TMEM123: variants seen among roughly 807,000 people sequenced by gnomAD.
TMEM123 encodes transmembrane protein 123, also known as porimin.
Under a neutral mutation model 19.7 loss-of-function variants are expected in TMEM123, and 16 were observed. The observed-to-expected ratio is 0.81, with a 90% CI of 0.55 to 1.23. The LOEUF is 1.23. Ranked by LOEUF, TMEM123 falls within the 50% of genes most tolerant of loss-of-function variation. The pLI is 0.00. For missense variants in TMEM123, 313 were observed against 257.8 expected, an observed-to-expected ratio of 1.21 and a Z score of -1.47; for synonymous variants, 118 against 99.4, an observed-to-expected ratio of 1.19 and a Z score of -1.12.
intron 1 of TMEM123, among the ~76,000 whole-genome samples, chr11:102,451,389 T>C (rs747458672): frequency 5.3e-5 from 8 of 152,292 alleles, no homozygotes; most frequent in Admixed American, 2.6e-4. Flanking sequence ...CGAAGCCAGT[T>C]TGTCACACGC....
chr11:102,446,252 A>G (rs1391445198), intron 2 of TMEM123, among the ~76,000 whole-genome samples: 2 of 152,224 alleles, frequency 1.3e-5, no homozygotes, highest in African/African-American at 4.8e-5. Flanking sequence ...CAGAATCTAA[A>G]TACTCTGACT....
At chr11:102,408,999 A>G (rs537785667) in intron 2 of TMEM123, among the ~76,000 whole-genome samples, 1 of 152,298 alleles carries the variant, frequency 6.6e-6, no homozygotes, top group South Asian at 2.1e-4. Flanking sequence ...CCTTATTCCT[A>G]TAACCTTGAG....
chr11:102,415,919 TCA>T (rs1952041319), intron 2 of TMEM123, among the ~76,000 whole-genome samples: 2 of 1,210 alleles, frequency 1.7e-3, no homozygotes, highest in African/African-American at 5.6e-3. Flanking sequence ...ATTATTATTA[TCA>T]TCATTATTTT....
intron 2 of TMEM123, among the ~76,000 whole-genome samples, chr11:102,431,402 A>G (rs893368011): frequency 3.3e-5 from 5 of 152,206 alleles, no homozygotes; most frequent in Non-Finnish European, 1.5e-5. Context: ...TTTTGTGGTG[A>G]GAACATTGAA....
chr11:102,405,110 G>T (rs921993583), intron 2 of TMEM123, among the ~76,000 whole-genome samples: 1 of 150,562 alleles, frequency 6.6e-6, no homozygotes, highest in Non-Finnish European at 1.5e-5. Context: ...GTGCAGTGGC[G>T]TGATCTCAGC....
chr11:102,424,065 G>A (rs1022172833), intron 2 of TMEM123, among the ~76,000 whole-genome samples: 2 of 152,194 alleles, frequency 1.3e-5, no homozygotes, highest in African/African-American at 4.8e-5. Flanking sequence ...CTAGTTGACT[G>A]CTGATTAAAA....
In TMEM123 at chr11:102,409,659, G is replaced by T. The variant is rs1288304763; in HGVS notation, c.158-7453C>A. Among the ~76,000 whole-genome samples the T allele has an allele frequency of 2.0e-5, 3 of 152,062 alleles. No individual in the cohort carries two copies. In the South Asian group the frequency reaches 6.2e-4, roughly 32 times the overall value. ...AGGCGGGCAGGCGGGCAGATCACCC[G>T]AGTCAGGAATTCGAGACCAGCCTGG... On this transcript the variant is annotated intron_variant, in intron 2 of 4. Transcript: ENST00000398136.
chr11:102,441,258 A>G (rs1283368692), intron 2 of TMEM123, among the ~76,000 whole-genome samples: 1 of 152,234 alleles, frequency 6.6e-6, no homozygotes, highest in Non-Finnish European at 1.5e-5. Context: ...TCAGCACCAC[A>G]TCGCACTTAT....
Position 102,398,763 on chromosome 11 carries a change from T to C in TMEM123, c.*104A>G, listed in dbSNP as rs1951882945. On this transcript the variant is annotated 3_prime_UTR_variant, in exon 5 of 5. Coordinates refer to ENST00000398136, the MANE Select transcript of TMEM123 (RefSeq NM_052932.3). ...CTGTACATTATATGCATGGCCTGTTTATACTATTTTCAAAAAGAGAATATT... is the reference window on the plus strand; with the variant it reads ...CTGTACATTATATGCATGGCCTGTTCATACTATTTTCAAAAAGAGAATATT... The C allele has an allele frequency of 3.4e-6, 4 of 1,170,278 alleles. No homozygotes were observed. Among genetic ancestry groups the C allele is most frequent in the African/African-American group, 1.6e-5 (1 of 64,336 alleles). The allele number at this position is 1,170,278 out of a possible 1,614,324, so 72.5% of individuals were successfully genotyped here.
In TMEM123 at chr11:102,396,407, AAAAAG is replaced by A. The variant is rs555179306; in HGVS notation, c.*2455_*2459del. 5.4e-4 allele frequency: 83 copies of A among 152,344 alleles called. No homozygotes were observed. The highest frequency in any genetic ancestry group is 1.2e-3 in the East Asian group (6 of 5,196). The allele number at this position is 152,344 out of a possible 1,614,324, so 9.4% of individuals were successfully genotyped here. A position where few individuals can be genotyped will look rare whatever the true frequency, so the allele number is the denominator to read the frequency against. ...AATACCAAAAGCTGGTCATTATAAT[AAAAAG>A]AAAAGAAGAGTTTAACTTTTTTTTT... On this transcript the variant is annotated 3_prime_UTR_variant, in exon 5 of 5. Coordinates refer to ENST00000398136, the MANE Select transcript of TMEM123 (RefSeq NM_052932.3).
At chr11:102,398,989 A>G in intron 4 of TMEM123, 98 bp from the exon 5 acceptor site, 5 of 1,090,920 alleles carry the variant, frequency 4.6e-6, no homozygotes, top group Non-Finnish European at 6.7e-6. Flanking sequence ...GAACAATTTC[A>G]AGCTGCACAA....
At chr11:102,405,829 A>G (rs1009306445) in intron 2 of TMEM123, among the ~76,000 whole-genome samples, 8 of 152,014 alleles carry the variant, frequency 5.3e-5, no homozygotes, top group African/African-American at 7.3e-5. Context: ...AATTTTGTCA[A>G]TTTCTATGTC....
intron 2 of TMEM123, among the ~76,000 whole-genome samples, chr11:102,413,857 T>A (rs541838970): frequency 2.0e-5 from 3 of 152,278 alleles, no homozygotes; most frequent in Admixed American, 6.5e-5. Flanking sequence ...TGGTTCTTAA[T>A]GAGACTGAAA....
chr11:102,441,129 G>C (rs1857821270), intron 2 of TMEM123, among the ~76,000 whole-genome samples: 1 of 152,186 alleles, frequency 6.6e-6, no homozygotes, highest in Non-Finnish European at 1.5e-5. Context: ...ACATTAGACA[G>C]ATCAACCAGA....
intron 2 of TMEM123, among the ~76,000 whole-genome samples, chr11:102,435,443 C>T (rs556966833): frequency 6.6e-6 from 1 of 152,016 alleles, no homozygotes; most frequent in South Asian, 2.1e-4. Context: ...ACAACAAGGA[C>T]TGGTGAGGAT....
chr11:102,418,346 AC>A (rs1459929792), intron 2 of TMEM123, among the ~76,000 whole-genome samples: 5 of 152,206 alleles, frequency 3.3e-5, no homozygotes, highest in Admixed American at 1.3e-4. Flanking sequence ...GCAAAAAACA[AC>A]CCTTATTGAA....
At chr11:102,428,282 T>G (rs113186404) in intron 2 of TMEM123, among the ~76,000 whole-genome samples, 19 of 152,264 alleles carry the variant, frequency 1.2e-4, no homozygotes, top group African/African-American at 4.1e-4. Context: ...ACCTATATTC[T>G]TCACAATTTA....
At chr11:102,410,511 C>CAAAAAA (rs796159138) in intron 2 of TMEM123, among the ~76,000 whole-genome samples, 5,837 of 104,954 alleles carry the variant, frequency 0.056, 184 homozygotes, top group Non-Finnish European at 0.085. Context: ...CTGTTAGTTA[C>CAAAAAA]AAAAAAAAAA....
chr11:102,447,082 G>A lies in TMEM123; in HGVS notation c.157+1730C>T, dbSNP rs570221099. The stretch of plus-strand genomic sequence containing the variant: ...AAGAGGAATGCGACAGTTATGAGGC[G>A]TAAAACACATTGTGCAAAAACATTT... On this transcript the variant is annotated intron_variant, in intron 2 of 4. Transcript: ENST00000398136. Among the ~76,000 whole-genome samples the A allele has an allele frequency of 3.8e-4, 58 of 152,270 alleles. No individual in the cohort carries two copies. The Middle Eastern group carries it at 0.01, about 27-fold the overall frequency.
Sources: allele counts gnomAD v4.1 joint callset (sites outside exome capture counted in the v4.1 genomes callset), GRCh38; gene constraint gnomAD v4.1.1; transcripts MANE v1.5; gene names NCBI Gene and HGNC (gene_info 2026-07-23, HGNC 2026-07-21).